Variants in POLR2K observed in about 807,000 individuals in gnomAD.
POLR2K encodes the protein RNA polymerase II, I and III subunit K.
Under a neutral mutation model 10.1 loss-of-function variants are expected in POLR2K, and 9 were observed. That is an observed-to-expected ratio of 0.89 (90% CI 0.54 to 1.56). The LOEUF (loss-of-function observed/expected upper bound fraction) is 1.56, where lower values mean the gene tolerates loss of function less well. POLR2K is among the 40% of genes most tolerant of loss of function. POLR2K has a pLI of 0.00. For synonymous variants in POLR2K, 19 were observed against 20.3 expected, an observed-to-expected ratio of 0.94 and a Z score of 0.17; for missense variants, 53 against 71.9, an observed-to-expected ratio of 0.74 and a Z score of 0.95.
In POLR2K at chr8:100,153,624, CTT is replaced by C; in HGVS notation, c.*309_*310del. 4.0e-6 allele frequency: 1 copy of C among 251,610 alleles called. No individual in the cohort carries two copies. Among genetic ancestry groups the C allele is most frequent in the Non-Finnish European group, 7.5e-6 (1 of 133,488 alleles). 15.6% of individuals were successfully genotyped at this position (251,610 alleles called of 1,614,324 possible). A position where few individuals can be genotyped will look rare whatever the true frequency, so the allele number is the denominator to read the frequency against. ...AGTTATGTGAATGTGGTTGGTCTCT[CTT>C]GCTTTCAAAATATCTTCTTGTACAG... On this transcript the variant is annotated 3_prime_UTR_variant, in exon 4 of 4. Coordinates refer to ENST00000353107, the MANE Select transcript of POLR2K (RefSeq NM_005034.4).
intron 1 of POLR2K, 25 bp from the exon 2 acceptor site, chr8:100,151,322 T>C: frequency 6.7e-7 from 1 of 1,495,814 alleles, no homozygotes; most frequent in Non-Finnish European, 9.3e-7. Flanking sequence ...TTTGAGATAT[T>C]CAGTATTTGA....
At chr8:100,150,774 G>C (rs1814906329) in intron 1 of POLR2K, 65 bp downstream of exon 1, 1 of 152,912 alleles carries the variant, frequency 6.5e-6, no homozygotes, top group South Asian at 2.0e-4. Flanking sequence ...AGACACTTGG[G>C]GTAAAAAGGT....
rs1212845058 is a variant in POLR2K, at chr8:100,151,107, C to T, written c.-9-240C>T. Among the ~76,000 whole-genome samples, 5 of 152,102 alleles carry T rather than the reference C, an allele frequency of 3.3e-5. No individual in the cohort carries two copies. The East Asian group carries it at 5.8e-4, about 18-fold the overall frequency. On this transcript the variant is annotated intron_variant, in intron 1 of 3. Coordinates refer to ENST00000353107, the MANE Select transcript of POLR2K (RefSeq NM_005034.4). ...CTCTGTAAAACAAGAGTGATGTCTC[C>T]TAGGATTGTTATGAAGATTATAATG...
At chr8:100,151,307 G>T in intron 1 of POLR2K, 40 bp from the exon 2 acceptor site, 1 of 1,301,976 alleles carries the variant, frequency 7.7e-7, no homozygotes, top group Non-Finnish European at 1.1e-6. Context: ...CTTGTGAGAA[G>T]CCCTTTTGAG....
At chr8:100,151,688 T>C in intron 2 of POLR2K, 136 bp from the exon 3 acceptor site, 3 of 599,064 alleles carry the variant, frequency 5.0e-6, no homozygotes, top group Non-Finnish European at 8.9e-6. Context: ...TTAATATATT[T>C]AATAAAAGCA....
intron 2 of POLR2K, 104 bp from the exon 3 acceptor site, chr8:100,151,719 AT>A (rs1814921950): frequency 1.6e-6 from 1 of 625,180 alleles, no homozygotes; most frequent in African/African-American, 1.9e-5. Context: ...GAGATTGAGT[AT>A]ATTTTAGTGT....
intron 3 of POLR2K, chr8:100,152,118 T>C: frequency 1.7e-6 from 1 of 588,462 alleles, no homozygotes; most frequent in Non-Finnish European, 3.0e-6. Context: ...CTCATAAATT[T>C]ATTTTTTAGG....
chr8:100,151,768 T>C (rs775359708), intron 2 of POLR2K, 56 bp from the exon 3 acceptor site: 37 of 795,038 alleles, frequency 4.7e-5, no homozygotes, highest in Non-Finnish European at 7.5e-5. Context: ...TTTAAGATAA[T>C]TTGTCTGTAA....
At chr8:100,153,015 A>G (rs1029646876) in intron 3 of POLR2K, among the ~76,000 whole-genome samples, 3 of 152,170 alleles carry the variant, frequency 2.0e-5, no homozygotes, top group African/African-American at 4.8e-5. Context: ...TGATCCGCCC[A>G]CCTCAGCCTC....
chr8:100,153,184 A>G (rs1310063644), intron 3 of POLR2K, 110 bp from the exon 4 acceptor site: 2 of 749,870 alleles, frequency 2.7e-6, no homozygotes, highest in South Asian at 1.8e-5. Context: ...TCTTTTTTGC[A>G]TTTTAAGTTA....
At chr8:100,152,330 T>A (rs766471638) in intron 3 of POLR2K, 6 of 203,304 alleles carry the variant, frequency 3.0e-5, no homozygotes, top group African/African-American at 4.6e-5. Flanking sequence ...CACAATGTTT[T>A]TGTATATCTG....
chr8:100,152,735 C>T (rs1814936288), intron 3 of POLR2K, among the ~76,000 whole-genome samples: 2 of 152,096 alleles, frequency 1.3e-5, no homozygotes, highest in Non-Finnish European at 2.9e-5. Flanking sequence ...GGATTATCCG[C>T]TTTAACATTA....
intron 2 of POLR2K, 53 bp downstream of exon 2, chr8:100,151,469 A>G (rs1586360819): frequency 8.8e-7 from 1 of 1,130,496 alleles, no homozygotes; most frequent in East Asian, 2.3e-5. Context: ...TTTTTTTGAA[A>G]TTGTTACATT....
At chr8:100,151,545 A>G in intron 2 of POLR2K, 129 bp downstream of exon 2, 1 of 701,454 alleles carries the variant, frequency 1.4e-6, no homozygotes, top group Non-Finnish European at 2.5e-6. Context: ...GCAACCATAA[A>G]AAAAATCGTT....
intron 1 of POLR2K, 100 bp from the exon 2 acceptor site, chr8:100,151,247 T>A: frequency 2.4e-6 from 2 of 818,080 alleles, no homozygotes; most frequent in Admixed American, 3.5e-5. Context: ...AGGAACAGAT[T>A]AGGAATTGGA....
In POLR2K at chr8:100,151,458, GTT is replaced by G. The variant is rs745823650; in HGVS notation, c.61+48_61+49del. 1.0e-5 allele frequency: 13 copies of G among 1,276,458 alleles called. No individual in the cohort carries two copies. The South Asian group carries it at 1.6e-4, about 15-fold the overall frequency. The allele number at this position is 1,276,458 out of a possible 1,614,324, so 79.1% of individuals were successfully genotyped here. A position where few individuals can be genotyped will look rare whatever the true frequency, so the allele number is the denominator to read the frequency against. ...CCTAAAGTAAGAATATTTTATTTAA[GTT>G]TTTTTGAAATTGTTACATTTATTCT... On this transcript the variant is annotated intron_variant, in intron 2 of 3. Transcript: ENST00000353107.
chr8:100,153,223 A>G, intron 3 of POLR2K, 71 bp from the exon 4 acceptor site: 1 of 1,110,656 alleles, frequency 9.0e-7, no homozygotes, highest in South Asian at 1.4e-5. Context: ...TGCAAAGAGA[A>G]AGTGACTTTG....
At chr8:100,152,753 GT>G (rs906416046) in intron 3 of POLR2K, among the ~76,000 whole-genome samples, 20 of 150,928 alleles carry the variant, frequency 1.3e-4, no homozygotes, top group Non-Finnish European at 3.0e-4. Context: ...TTACTTTAGT[GT>G]TTTTTTTTGT....
At chr8:100,150,893 T>G (rs537863136) in intron 1 of POLR2K, among the ~76,000 whole-genome samples, 184 bp downstream of exon 1, 12 of 152,342 alleles carry the variant, frequency 7.9e-5, no homozygotes, top group African/African-American at 2.9e-4. Flanking sequence ...TATTTCATTG[T>G]TCTTCCCTCG....
Sources: allele counts gnomAD v4.1 joint callset (sites outside exome capture counted in the v4.1 genomes callset), GRCh38; gene constraint gnomAD v4.1.1; transcripts MANE v1.5; gene names NCBI Gene and HGNC (gene_info 2026-07-23, HGNC 2026-07-21).